Variants in PIGL observed in about 807,000 individuals in gnomAD.
The protein encoded by PIGL is phosphatidylinositol glycan anchor biosynthesis class L, also known as N-acetylglucosaminyl-phosphatidylinositol de-N-acetylase.
In PIGL, 22 loss-of-function variants were observed where a neutral mutation model predicts 31.1. That is an observed-to-expected ratio of 0.71 (90% CI 0.51 to 1.01). The LOEUF is 1.01. PIGL is among the 50% of genes least tolerant of loss of function. The probability of loss-of-function intolerance (pLI) is 0.00; values close to 1 mark genes in which losing one functional copy is unlikely to be tolerated. For missense variants in PIGL, 302 were observed against 315.9 expected, an observed-to-expected ratio of 0.96 and a Z score of 0.33; for synonymous variants, 131 against 117.4, an observed-to-expected ratio of 1.12 and a Z score of -0.75.
chr17:16,227,866 A>G (rs1389934026), intron 1 of PIGL, among the ~76,000 whole-genome samples: 2 of 152,008 alleles, frequency 1.3e-5, no homozygotes, highest in South Asian at 2.1e-4. Flanking sequence ...GGCATGAGCC[A>G]CTGCACCCAG....
At chr17:16,286,603 G>C (rs1218863742) in intron 2 of PIGL, among the ~76,000 whole-genome samples, 5 of 152,136 alleles carry the variant, frequency 3.3e-5, no homozygotes, top group Non-Finnish European at 5.9e-5. Context: ...TGAACATTAA[G>C]GTCTAGGGCG....
intron 3 of PIGL, among the ~76,000 whole-genome samples, chr17:16,308,946 C>T (rs2093037342): frequency 6.6e-6 from 1 of 151,950 alleles, no homozygotes; most frequent in Admixed American, 6.6e-5. Flanking sequence ...GCCACCGGGC[C>T]CAGCTAATTA....
chr17:16,281,955 C>T (rs951285253), intron 2 of PIGL: 12 of 449,192 alleles, frequency 2.7e-5, no homozygotes, highest in East Asian at 6.4e-5. Context: ...CTCAGACATT[C>T]TGCTATTGCC....
intron 2 of PIGL, among the ~76,000 whole-genome samples, chr17:16,263,017 A>G (rs1244955047): frequency 1.3e-5 from 2 of 150,530 alleles, no homozygotes; most frequent in East Asian, 4.0e-4. Context: ...AAGCAAATCC[A>G]TAGAAACAGA....
At chr17:16,288,546 CT>C (rs11435438) in intron 2 of PIGL, among the ~76,000 whole-genome samples, 1 of 147,758 alleles carries the variant, frequency 6.8e-6, no homozygotes, top group Non-Finnish European at 1.5e-5. Context: ...TTTTCTTTTT[CT>C]TTTTTTTTGA....
intron 6 of PIGL, among the ~76,000 whole-genome samples, chr17:16,325,423 A>T (rs1003550197): frequency 6.6e-6 from 1 of 151,358 alleles, no homozygotes; most frequent in African/African-American, 2.4e-5. Context: ...ACTACCTACT[A>T]GCTGTTTGAG....
At chr17:16,287,905 C>T (rs909494847) in intron 2 of PIGL, among the ~76,000 whole-genome samples, 2 of 152,202 alleles carry the variant, frequency 1.3e-5, no homozygotes, top group Non-Finnish European at 2.9e-5. Flanking sequence ...CCTGAGCTGA[C>T]GTTGGCCTTT....
intron 6 of PIGL, chr17:16,324,507 T>C (rs2093119105): frequency 6.6e-6 from 1 of 151,840 alleles, no homozygotes; most frequent in Non-Finnish European, 1.5e-5. Flanking sequence ...ATTACAGGTA[T>C]GCGCCACCAC....
chr17:16,223,760 G>T (rs998054214), intron 1 of PIGL, among the ~76,000 whole-genome samples: 2 of 152,014 alleles, frequency 1.3e-5, no homozygotes, highest in Admixed American at 1.3e-4. Context: ...GTGGCAATGG[G>T]GAGAATGGTT....
intron 2 of PIGL, among the ~76,000 whole-genome samples, chr17:16,296,541 C>T (rs1339029947): frequency 1.3e-5 from 2 of 148,678 alleles, no homozygotes; most frequent in African/African-American, 2.5e-5. Context: ...ACCTGGGAGG[C>T]GGAGGTTGCA....
At chr17:16,217,627 T>TACACA in intron 1 of PIGL, 166 bp downstream of exon 1, 5 of 523,082 alleles carry the variant, frequency 9.6e-6, no homozygotes, top group East Asian at 6.3e-5. Flanking sequence ...AGCGGCCGGC[T>TACACA]TACCTGGTGG....
chr17:16,301,562 A>G (rs575131907), intron 3 of PIGL, among the ~76,000 whole-genome samples: 5 of 133,294 alleles, frequency 3.8e-5, no homozygotes, highest in African/African-American at 1.5e-4. Flanking sequence ...ACACCCAGCC[A>G]ATTTTTAATT....
chr17:16,326,348 T>C lies in PIGL; in HGVS notation c.*450T>C, dbSNP rs77012664. The C allele has an allele frequency of 1.0e-2, 1,601 of 160,376 alleles. 31 individuals are homozygous for C. Among genetic ancestry groups the C allele is most frequent in the African/African-American group, 0.037 (1,524 of 41,678 alleles). The allele number at this position is 160,376 out of a possible 1,614,324, so 9.9% of individuals were successfully genotyped here. ...AGTGTGTGTTGAATTGGTTCAATCA[T>C]AATTCCTTTGATTTTTCTTGTATCA... is the stretch of plus-strand genomic sequence containing the variant. On this transcript the variant is annotated 3_prime_UTR_variant, in exon 7 of 7. Coordinates refer to ENST00000225609, the MANE Select transcript of PIGL (RefSeq NM_004278.4).
chr17:16,223,363 G>A (rs979262070), intron 1 of PIGL, among the ~76,000 whole-genome samples: 2 of 152,068 alleles, frequency 1.3e-5, no homozygotes, highest in Non-Finnish European at 2.9e-5. Context: ...CAGATCACAA[G>A]GTCAGGAGTT....
rs538304505 is a variant in PIGL, at chr17:16,247,120, A to G, written c.335+13050A>G. On this transcript the variant is annotated intron_variant, in intron 2 of 6. Transcript: ENST00000225609. ...CTCCTTCTTCCCTCCCTCTTCTTAA[A>G]AGGCTACAAGTTTTATTGGATTAAA... Among the ~76,000 whole-genome samples the G allele has an allele frequency of 2.0e-5, 3 of 152,212 alleles. No individual in the cohort carries two copies. In the South Asian group the frequency reaches 6.2e-4, roughly 32 times the overall value.
chr17:16,321,758 G>GTCTC (rs1555870882), intron 6 of PIGL, among the ~76,000 whole-genome samples: 1 of 150,340 alleles, frequency 6.7e-6, no homozygotes, highest in Non-Finnish European at 1.5e-5. Context: ...CTGTCTGTCT[G>GTCTC]TCTTTCTTTC....
At chr17:16,313,478 A>C in intron 3 of PIGL, 69 bp from the exon 4 acceptor site, 1 of 1,096,252 alleles carries the variant, frequency 9.1e-7, no homozygotes, top group Non-Finnish European at 1.4e-6. Context: ...TCCCAAGGGA[A>C]GGAGACAGCT....
intron 6 of PIGL, among the ~76,000 whole-genome samples, chr17:16,323,644 G>A (rs1397532623): frequency 1.6e-5 from 2 of 123,728 alleles, no homozygotes; most frequent in African/African-American, 3.2e-5. Context: ...ACAGAGTCTC[G>A]CTCTGTTGCC....
chr17:16,249,144 A>C (rs1449958198), intron 2 of PIGL, among the ~76,000 whole-genome samples: 1 of 152,188 alleles, frequency 6.6e-6, no homozygotes, highest in African/African-American at 2.4e-5. Context: ...AAAAATATTA[A>C]ATGGAAATTC....
Sources: gnomAD v4.1 joint callset for allele counts (sites outside exome capture counted in the v4.1 genomes callset) on GRCh38, gnomAD v4.1.1 for gene constraint, MANE v1.5 for transcripts, NCBI Gene and HGNC (gene_info 2026-07-23, HGNC 2026-07-21) for gene names.